The following EGFLAM variants were observed in gnomAD, a reference collection of about 807,000 sequenced individuals.
The protein encoded by EGFLAM is EGF like, fibronectin type III and laminin G domains.
In EGFLAM, 79 loss-of-function variants were observed where a neutral mutation model predicts 113.1. That is an observed-to-expected ratio of 0.70 (90% CI 0.58 to 0.84). The LOEUF (loss-of-function observed/expected upper bound fraction) is 0.84. Ranked by LOEUF, EGFLAM falls within the 40% of genes least tolerant of loss-of-function variation. EGFLAM has a pLI of 0.00. For synonymous variants in EGFLAM, 504 were observed against 487.6 expected (o/e 1.03, Z -0.44); for missense variants, 1,265 against 1,291.6 (o/e 0.98, Z 0.32).
At chr5:38,293,819 C>T (rs1758394134) in intron 1 of EGFLAM, among the ~76,000 whole-genome samples, 2 of 152,116 alleles carry the variant, frequency 1.3e-5, no homozygotes, top group African/African-American at 2.4e-5. Context: ...AAATATGTCC[C>T]TTTAAACACC....
intron 1 of EGFLAM, among the ~76,000 whole-genome samples, chr5:38,275,882 A>G (rs1315053261): frequency 6.6e-6 from 1 of 152,246 alleles, no homozygotes; most frequent in African/African-American, 2.4e-5. Context: ...TCAGACCACA[A>G]TGGCATAAAA....
At chr5:38,404,860 G>A (rs1471193805) in intron 6 of EGFLAM, among the ~76,000 whole-genome samples, 1 of 152,172 alleles carries the variant, frequency 6.6e-6, no homozygotes, top group South Asian at 2.1e-4. Flanking sequence ...TCTTTAAAAG[G>A]CTGCCACCTC....
intron 1 of EGFLAM, among the ~76,000 whole-genome samples, chr5:38,321,763 AC>A (rs1188329682): frequency 6.6e-6 from 1 of 151,954 alleles, no homozygotes; most frequent in Non-Finnish European, 1.5e-5. Context: ...TCCATTTACA[AC>A]CCAGCTGAGC....
In EGFLAM at chr5:38,451,463, C is replaced by A. The variant is rs1742912168; in HGVS notation, c.2687+5C>A. On this transcript the variant is annotated splice_donor_5th_base_variant and intron_variant, in intron 19 of 21. Coordinates refer to ENST00000322350, the MANE Select transcript of EGFLAM (RefSeq NM_152403.4). ...GGATGGAGCCCTCGTGTTCAGGTAA[C>A]CCCCTCTCCATCTGCCTTCAGCAGC... 5 of 1,613,462 alleles carry A rather than the reference C, an allele frequency of 3.1e-6. No homozygotes were observed. The East Asian group carries it at 8.9e-5, about 29-fold the overall frequency.
chr5:38,451,864 C>T (rs950283195), intron 19 of EGFLAM, among the ~76,000 whole-genome samples: 1 of 151,772 alleles, frequency 6.6e-6, no homozygotes, highest in Non-Finnish European at 1.5e-5. Context: ...TGGTGGCAGG[C>T]ACCTGTAATC....
At chr5:38,407,756 A>T in intron 8 of EGFLAM, 49 bp from the exon 9 acceptor site, 1 of 1,444,224 alleles carries the variant, frequency 6.9e-7, no homozygotes. Flanking sequence ...TTTGCTTTTG[A>T]AGAAGTGAGG....
rs547839176 is a variant in EGFLAM at position 38,414,264 on chromosome 5, A to G, written c.1494+1616A>G. The stretch of plus-strand genomic sequence containing the variant: ...GGCTAGGTAAGAAAAAGACAGGGTC[A>G]GCGAACTGCATCAGTGCCAGGACTA... On this transcript the variant is annotated intron_variant, in intron 11 of 21. Coordinates refer to ENST00000322350, the MANE Select transcript of EGFLAM (RefSeq NM_152403.4). 1.4e-4 allele frequency among the ~76,000 whole-genome samples: 21 copies of G among 152,366 alleles called. No individual in the cohort carries two copies. In the South Asian group the frequency reaches 4.1e-3, roughly 30 times the overall value.
At chr5:38,292,794 A>C (rs1360207650) in intron 1 of EGFLAM, among the ~76,000 whole-genome samples, 1 of 152,136 alleles carries the variant, frequency 6.6e-6, no homozygotes, top group East Asian at 1.9e-4. Flanking sequence ...ATTTTGTGGC[A>C]ATGTTGGAAG....
Position 38,459,068 on chromosome 5 carries a change from G to A in EGFLAM, c.2771+674G>A, listed in dbSNP as rs879434462. 9.9e-5 allele frequency among the ~76,000 whole-genome samples: 15 copies of A among 151,636 alleles called. No homozygotes were observed. In the East Asian group the frequency reaches 2.1e-3, roughly 22 times the overall value. On this transcript the variant is annotated intron_variant, in intron 20 of 21. Coordinates refer to ENST00000322350, the MANE Select transcript of EGFLAM (RefSeq NM_152403.4). ...TTGTTTTGTTTTGAGACAGGTTCTC[G>A]CTCTGTCACCTAGGCTGGAGTACAG...
Position 38,339,356 on chromosome 5 carries a change from T to C in EGFLAM, c.291+575T>C, listed in dbSNP as rs559311793. Reference sequence around the variant, plus strand: ...CTTAGGCATCTTGAATTTTCTTTTCTTTCACTCCCCTCCTCCTTCCTAATT... The same window carrying C: ...CTTAGGCATCTTGAATTTTCTTTTCCTTCACTCCCCTCCTCCTTCCTAATT... On this transcript the variant is annotated intron_variant, in intron 3 of 21. Coordinates refer to ENST00000322350, the MANE Select transcript of EGFLAM (RefSeq NM_152403.4). Among the ~76,000 whole-genome samples, 5 of 152,310 alleles carry C rather than the reference T, an allele frequency of 3.3e-5. No individual in the cohort carries two copies. In the East Asian group the frequency reaches 9.7e-4, roughly 29 times the overall value.
At chr5:38,417,019 AC>A (rs1205226993) in intron 11 of EGFLAM, among the ~76,000 whole-genome samples, 4 of 151,996 alleles carry the variant, frequency 2.6e-5, no homozygotes, top group Non-Finnish European at 4.4e-5. Flanking sequence ...ACCCTTCCTT[AC>A]CCTGTAATGC....
chr5:38,383,438 C>A (rs1460639273), intron 6 of EGFLAM, among the ~76,000 whole-genome samples: 3 of 150,458 alleles, frequency 2.0e-5, no homozygotes, highest in Admixed American at 1.3e-4. Flanking sequence ...TTAACATTAC[C>A]CCTGAAAACT....
chr5:38,321,382 A>G (rs1336414355), intron 1 of EGFLAM, among the ~76,000 whole-genome samples: 1 of 152,048 alleles, frequency 6.6e-6, no homozygotes, highest in Non-Finnish European at 1.5e-5. Flanking sequence ...CTCACCCACC[A>G]CTCAACTCCT....
intron 1 of EGFLAM, among the ~76,000 whole-genome samples, chr5:38,276,380 GA>G (rs1757884320): frequency 6.6e-6 from 1 of 152,068 alleles, no homozygotes; most frequent in South Asian, 2.1e-4. Context: ...TGAGAAAAAT[GA>G]AAATAGAATT....
chr5:38,351,505 T>C (rs1228781647), intron 4 of EGFLAM, among the ~76,000 whole-genome samples: 2 of 152,120 alleles, frequency 1.3e-5, no homozygotes, highest in Non-Finnish European at 2.9e-5. Context: ...AAGTCCTACC[T>C]TTGGCCCGAG....
At chr5:38,353,973 C>T (rs987947796) in intron 5 of EGFLAM, among the ~76,000 whole-genome samples, 2 of 152,118 alleles carry the variant, frequency 1.3e-5, no homozygotes, top group Admixed American at 1.3e-4. Flanking sequence ...TCACTGTGAC[C>T]CGAGTGGGAG....
At chr5:38,425,464 G>C (rs1281110660) in intron 13 of EGFLAM, among the ~76,000 whole-genome samples, 2 of 152,176 alleles carry the variant, frequency 1.3e-5, no homozygotes, top group South Asian at 4.1e-4. Context: ...ACCACGCCAG[G>C]CCTCATCAAT....
chr5:38,344,844 C>G (rs28377816), intron 3 of EGFLAM, among the ~76,000 whole-genome samples: 2,842 of 152,296 alleles, frequency 0.019, 99 homozygotes, highest in African/African-American at 0.066. Flanking sequence ...TAAGGGATAT[C>G]TCAAAAGTTG....
chr5:38,373,446 C>G (rs1740276913), intron 6 of EGFLAM, among the ~76,000 whole-genome samples: 1 of 152,144 alleles, frequency 6.6e-6, no homozygotes, highest in African/African-American at 2.4e-5. Context: ...CCCATTGTCT[C>G]TCATTTCCAT....
Sources: allele counts gnomAD v4.1 joint callset (sites outside exome capture counted in the v4.1 genomes callset), GRCh38; gene constraint gnomAD v4.1.1; transcripts MANE v1.5; gene names NCBI Gene and HGNC (gene_info 2026-07-23, HGNC 2026-07-21).